Variants in ATP7A observed in about 807,000 individuals in gnomAD.
ATP7A encodes the protein copper-transporting ATPase 1.
Under a neutral mutation model 83.5 loss-of-function variants are expected in ATP7A, and 7 were observed. That is an observed-to-expected ratio of 0.08 (90% CI 0.05 to 0.16). The LOEUF (loss-of-function observed/expected upper bound fraction) is 0.16. Ranked by LOEUF, ATP7A falls within the 10% of genes least tolerant of loss-of-function variation. The pLI is 1.00. For missense variants in ATP7A, 940 were observed against 1,120.8 expected (o/e 0.84, Z 2.30); for synonymous variants, 354 against 395.2 (o/e 0.90, Z 1.24).
intron 6 of ATP7A, among the ~76,000 whole-genome samples, chrX:78,006,741 AATAAT>A (rs782121052): frequency 1.3e-4 from 15 of 112,425 alleles, no homozygotes; most frequent in African/African-American, 4.5e-4. Context: ...ATATAAATGG[AATAAT>A]ATAATATGTG....
chrX:77,932,731 C>T (rs2077295554), intron 1 of ATP7A, among the ~76,000 whole-genome samples: 1 of 112,737 alleles, frequency 8.9e-6, no homozygotes, highest in South Asian at 3.6e-4. Context: ...AGCGAAACCC[C>T]GTCTCCACGA....
At chrX:78,022,679 G>A (rs185120779) in intron 14 of ATP7A, among the ~76,000 whole-genome samples, 1,146 of 109,754 alleles carry the variant, frequency 0.01, 16 homozygotes, top group African/African-American at 0.035. Context: ...CACCATGCCC[G>A]GCTAATTTTT....
At chrX:77,933,839 A>G (rs983999761) in intron 1 of ATP7A, among the ~76,000 whole-genome samples, 5 of 111,704 alleles carry the variant, frequency 4.5e-5, no homozygotes, top group Non-Finnish European at 9.4e-5. Flanking sequence ...ACTTATTCAC[A>G]TAACTGTAAA....
chrX:77,988,257 A>G lies in ATP7A; in HGVS notation c.136A>G (p.Lys46Glu), dbSNP rs1603381269. 1 of 1,202,406 alleles carries G rather than the reference A, an allele frequency of 8.3e-7. No homozygotes were observed. The stretch of plus-strand genomic sequence containing the variant: ...CTTCCAAAAGGTATCACTGGAAGAA[A>G]AAAATGCAACTATTATTTATGACCC... ...VHHIKVSLEEKNATIIYDPKL... is the reference protein window; with the variant it reads ...VHHIKVSLEEENATIIYDPKL... Residue 46 changes from lysine (K) to glutamate (E), a missense_variant, in exon 3 of 23, where the codon AAA (lysine) becomes GAA (glutamate). Around this residue, in one of 3 missense-constraint regions of ATP7A, gnomAD observed 350 missense variants for 432.8 expected, o/e 0.81. Coordinates refer to ENST00000341514, the MANE Select transcript of ATP7A (RefSeq NM_000052.7).
rs1410242011 is a variant in ATP7A at position 77,999,363 on chromosome X, T to C, written c.1543+679T>C. Among the ~76,000 whole-genome samples the C allele has an allele frequency of 5.4e-5, 6 of 111,899 alleles. No homozygotes were observed. The Admixed American group carries it at 5.7e-4, about 11-fold the overall frequency. ...GAATATTTAAGAATTTCATTATTAC[T>C]ATACCCAGACCAAGCACCAGACCAA... is the stretch of plus-strand genomic sequence containing the variant. On this transcript the variant is annotated intron_variant, in intron 5 of 22. Coordinates refer to ENST00000341514, the MANE Select transcript of ATP7A (RefSeq NM_000052.7).
At chrX:78,030,124 A>T (rs782520532) in intron 15 of ATP7A, among the ~76,000 whole-genome samples, 11 of 112,391 alleles carry the variant, frequency 9.8e-5, no homozygotes, top group Non-Finnish European at 2.1e-4. Flanking sequence ...TATAATTTCA[A>T]ACTTAAAAGT....
At chrX:78,011,088 T>C in intron 7 of ATP7A, 88 bp from the exon 8 acceptor site, 1 of 845,634 alleles carries the variant, frequency 1.2e-6, no homozygotes, top group East Asian at 3.2e-5. Flanking sequence ...AATTGAACTG[T>C]TCTTAATGAC....
chrX:77,931,879 T>A (rs1451840692), intron 1 of ATP7A, among the ~76,000 whole-genome samples: 30 of 72,281 alleles, frequency 4.2e-4, no homozygotes, highest in South Asian at 1.8e-3. Flanking sequence ...GGCTCCTCAC[T>A]TCCCAGTAGG....
intron 1 of ATP7A, among the ~76,000 whole-genome samples, chrX:77,948,751 A>G (rs1603374867): frequency 8.9e-6 from 1 of 111,795 alleles, no homozygotes; most frequent in Admixed American, 9.5e-5. Context: ...CCTCACAGAC[A>G]ATGGAAACAT....
chrX:77,931,813 C>CG (rs1282349465), intron 1 of ATP7A, among the ~76,000 whole-genome samples: 2 of 89,417 alleles, frequency 2.2e-5, no homozygotes, highest in Non-Finnish European at 4.5e-5. Context: ...GCTGGCCGGG[C>CG]GGGGGGCTGA....
At chrX:77,979,978 A>G (rs1008821285) in intron 2 of ATP7A, among the ~76,000 whole-genome samples, 2 of 112,453 alleles carry the variant, frequency 1.8e-5, no homozygotes, top group Non-Finnish European at 3.8e-5. Flanking sequence ...AAGGAAAAGT[A>G]AAATAGGCAG....
chrX:78,018,210 A>G (rs1557235379), intron 12 of ATP7A, among the ~76,000 whole-genome samples: 1 of 108,654 alleles, frequency 9.2e-6, no homozygotes, highest in African/African-American at 3.3e-5. Context: ...GATCAAAACC[A>G]TTCAACAAGT....
chrX:78,043,657 C>CTTTTTT (rs781972709), intron 21 of ATP7A, among the ~76,000 whole-genome samples: 1 of 93,829 alleles, frequency 1.1e-5, no homozygotes, highest in Non-Finnish European at 2.2e-5. Flanking sequence ...TTCCCTCCAA[C>CTTTTTT]TTTTTTTTTT....
chrX:78,022,487 A>ATGTT (rs200949792), intron 14 of ATP7A, among the ~76,000 whole-genome samples: 1,274 of 82,910 alleles, frequency 0.015, 7 homozygotes, highest in South Asian at 0.028. Flanking sequence ...GTACATGTGC[A>ATGTT]TGTTTGTTTG....
At chrX:78,021,466 G>A (rs1333638503) in intron 14 of ATP7A, among the ~76,000 whole-genome samples, 2 of 111,453 alleles carry the variant, frequency 1.8e-5, no homozygotes. Context: ...TATAAAGTGA[G>A]GTTTTAATAA....
chrX:77,937,023 A>C (rs1557225101), intron 1 of ATP7A, among the ~76,000 whole-genome samples: 2 of 112,677 alleles, frequency 1.8e-5, no homozygotes, highest in Non-Finnish European at 3.7e-5. Context: ...CAAATAACAA[A>C]ATGGGTAAAA....
At chrX:77,915,343 C>G (rs1234998542) in intron 1 of ATP7A, among the ~76,000 whole-genome samples, 1 of 107,709 alleles carries the variant, frequency 9.3e-6, no homozygotes, top group Non-Finnish European at 1.9e-5. Flanking sequence ...AAAAAAAAAG[C>G]CTGTCTTGTC....
intron 1 of ATP7A, among the ~76,000 whole-genome samples, chrX:77,918,198 A>G (rs782492304): frequency 1.8e-5 from 2 of 108,874 alleles, no homozygotes; most frequent in East Asian, 5.8e-4. Context: ...TTCCAAGTAG[A>G]TAGGACCACA....
chrX:77,991,318 C>T (rs2077668130), intron 4 of ATP7A, among the ~76,000 whole-genome samples: 1 of 112,347 alleles, frequency 8.9e-6, no homozygotes, highest in African/African-American at 3.2e-5. Flanking sequence ...AATCATACAA[C>T]ATTTGTCCTT....
Sources: gnomAD v4.1 joint callset for allele counts (sites outside exome capture counted in the v4.1 genomes callset) on GRCh38, gnomAD v4.1.1 for gene constraint, gnomAD v4.1.1 regional missense constraint, MANE v1.5 for transcripts, NCBI Gene and HGNC (gene_info 2026-07-23, HGNC 2026-07-21) for gene names.